NOTCH2: variants seen among roughly 807,000 people sequenced by gnomAD.
NOTCH2 encodes the protein neurogenic locus notch homolog protein 2.
A neutral mutation model predicts 235.8 loss-of-function variants in NOTCH2; 29 were observed. That is an observed-to-expected ratio of 0.12 (90% CI 0.09 to 0.17). NOTCH2 has a LOEUF of 0.17. Ranked by LOEUF, NOTCH2 falls within the 10% of genes least tolerant of loss-of-function variation. NOTCH2 has a pLI of 1.00. For synonymous variants in NOTCH2, 1,086 were observed against 1,141.5 expected (o/e 0.95, Z 0.98); for missense variants, 2,285 against 3,150.2 (o/e 0.73, Z 6.57).
At chr1:120,037,920 TA>T (rs1553212150) in intron 1 of NOTCH2, among the ~76,000 whole-genome samples, 2 of 152,198 alleles carry the variant, frequency 1.3e-5, no homozygotes, top group East Asian at 1.9e-4. Flanking sequence ...TATAAATGAA[TA>T]TTTTTTGTAT....
At position 119,925,597 on chromosome 1, in the gene NOTCH2, A is replaced by G. The variant is rs1482242922; in HGVS notation, c.4219T>C (p.Ser1407Pro). 6.2e-7 allele frequency: 1 copy of G among 1,613,968 alleles called. No homozygotes were observed. Among genetic ancestry groups the G allele is most frequent in the East Asian group, 2.2e-5 (1 of 44,874 alleles). ...YYSCQCAPPF[S>P]GSRCELYTAP... ...GTGTAGAGTTCACAGCGGCTACCCG[A>G]GAATGGTGGGGCACACTGGCAGGAG... Residue 1407 changes from serine (S) to proline (P), a missense_variant, in exon 25 of 34, where the codon TCG becomes CCG. Transcript: ENST00000256646.
chr1:119,969,660 C>G lies in NOTCH2; in HGVS notation c.959G>C (p.Gly320Ala). 1 of 1,614,168 alleles carries G rather than the reference C, an allele frequency of 6.2e-7. No individual in the cohort carries two copies. Among genetic ancestry groups the G allele is most frequent in the Non-Finnish European group, 8.5e-7 (1 of 1,179,996 alleles). Residue 320 changes from glycine (G) to alanine (A), a missense_variant, in exon 6 of 34, where the codon GGA becomes GCA. Around this residue, in one of 6 missense-constraint regions of NOTCH2, gnomAD observed 431 missense variants for 757.8 expected, o/e 0.57. Coordinates refer to ENST00000256646, the MANE Select transcript of NOTCH2 (RefSeq NM_024408.4). ...GTTGACACATACACAGCCATAGCCT[C>G]CATTGCGGTTGGCACAGGTGCCCCC... ...QNGGTCANRN[G>A]GYGCVCVNGW...
chr1:119,932,038 C>CA (rs1184709274), intron 22 of NOTCH2, among the ~76,000 whole-genome samples: 11 of 145,302 alleles, frequency 7.6e-5, no homozygotes, highest in Admixed American at 1.4e-4. Flanking sequence ...AAAGAAACTG[C>CA]AAAAAAAATC....
chr1:120,045,893 G>A (rs1244734141), intron 1 of NOTCH2, among the ~76,000 whole-genome samples: 3 of 152,230 alleles, frequency 2.0e-5, no homozygotes, highest in East Asian at 1.9e-4. Flanking sequence ...CAGGGGAGGT[G>A]TAAGACCATC....
intron 3 of NOTCH2, among the ~76,000 whole-genome samples, chr1:119,999,538 G>A (rs1256205771): frequency 1.3e-5 from 2 of 150,120 alleles, no homozygotes; most frequent in African/African-American, 4.9e-5. Flanking sequence ...AGATATAAAT[G>A]CTCACTTCTA....
chr1:119,957,694 C>A (rs1305822709), intron 12 of NOTCH2, among the ~76,000 whole-genome samples: 1 of 152,072 alleles, frequency 6.6e-6, no homozygotes, highest in African/African-American at 2.4e-5. Context: ...TCATGCTACA[C>A]CTTAGGTTTA....
chr1:120,014,945 G>T (rs372877141), intron 2 of NOTCH2, among the ~76,000 whole-genome samples: 12 of 139,828 alleles, frequency 8.6e-5, no homozygotes, highest in East Asian at 4.1e-4. Flanking sequence ...TATCAGCAGG[G>T]TGAGGCCAAA....
At chr1:119,981,701 G>C (rs967737720) in intron 5 of NOTCH2, among the ~76,000 whole-genome samples, 3 of 152,134 alleles carry the variant, frequency 2.0e-5, no homozygotes, top group African/African-American at 7.2e-5. Flanking sequence ...GGGCAAGGGT[G>C]CTTCAGGTTA....
At chr1:120,038,946 T>C (rs1654429784) in intron 1 of NOTCH2, among the ~76,000 whole-genome samples, 1 of 151,940 alleles carries the variant, frequency 6.6e-6, no homozygotes, top group African/African-American at 2.4e-5. Flanking sequence ...CTGAAATAGG[T>C]TGAATGGAAG....
chr1:120,039,766 C>A (rs1420018201), intron 1 of NOTCH2, among the ~76,000 whole-genome samples: 1 of 151,822 alleles, frequency 6.6e-6, no homozygotes, highest in Non-Finnish European at 1.5e-5. Context: ...CTTTTAAGTA[C>A]ACTTGCTGGA....
rs2101099825 is a variant in NOTCH2 at position 119,937,857 on chromosome 1, C to T, written c.3337G>A (p.Gly1113Ser). The T allele has an allele frequency of 6.2e-7, 1 of 1,614,148 alleles. No homozygotes were observed. Among genetic ancestry groups the T allele is most frequent in the Non-Finnish European group, 8.5e-7 (1 of 1,180,022 alleles). ...VSCDIAASRR[G>S]VLVEHLCQHS... ...CTGAGCCCAAGGGAGCAAAGCTTAC[C>T]TCTCCTGGAGGCTGCTATGTCACAA... Residue 1113 changes from glycine to serine, a missense_variant and splice_region_variant, in exon 20 of 34, where the codon GGT becomes AGT. This residue lies in a region of NOTCH2 where 1,173 missense variants were observed against 1,515.3 expected (regional missense o/e 0.77). Transcript: ENST00000256646.
In NOTCH2 at chr1:119,914,882, G is replaced by A. The variant is rs587611186; in HGVS notation, c.*424C>T. The A allele has an allele frequency of 8.3e-6, 3 of 360,130 alleles. No homozygotes were observed. Among genetic ancestry groups the A allele is most frequent in the East Asian group, 9.1e-5 (2 of 22,028 alleles). The allele number at this position is 360,130 out of a possible 1,614,324, so 22.3% of individuals were successfully genotyped here. On this transcript the variant is annotated 3_prime_UTR_variant, in exon 34 of 34. Transcript: ENST00000256646. ...ATGTCCAAGGAGGAGGAGATGCGTAGGTCAATTCAGGCAGAATTCCAGGGC... is the reference window on the plus strand; with the variant it reads ...ATGTCCAAGGAGGAGGAGATGCGTAAGTCAATTCAGGCAGAATTCCAGGGC...
In NOTCH2 at chr1:119,985,485, A is replaced by T. The variant is rs10923933; in HGVS notation, c.874+1475T>A. On this transcript the variant is annotated intron_variant, in intron 5 of 33. Coordinates refer to ENST00000256646, the MANE Select transcript of NOTCH2 (RefSeq NM_024408.4). Reference sequence around the variant, plus strand: ...CCCCAAGAGCAGGCCTTCCTAATTAATATCAAAGCAAGAAACCAAGTGTAG... The same window carrying T: ...CCCCAAGAGCAGGCCTTCCTAATTATTATCAAAGCAAGAAACCAAGTGTAG... Among the ~76,000 whole-genome samples, 1,397 of 152,294 alleles carry T rather than the reference A, an allele frequency of 9.2e-3. 23 individuals carry two copies. Among genetic ancestry groups the T allele is most frequent in the African/African-American group, 0.032 (1,324 of 41,556 alleles).
At chr1:119,937,794 C>T (rs1191561610) in intron 20 of NOTCH2, 63 bp downstream of exon 20, 2 of 1,592,858 alleles carry the variant, frequency 1.3e-6, no homozygotes, top group Non-Finnish European at 1.7e-6. Context: ...GATACCTTCT[C>T]TAAATGCCAC....
chr1:119,950,850 G>T lies in NOTCH2; in HGVS notation c.2366-13C>A, dbSNP rs1553197719. 3 of 1,554,684 alleles carry T rather than the reference G, an allele frequency of 1.9e-6. No homozygotes were observed. The East Asian group carries it at 6.7e-5, about 35-fold the overall frequency. On this transcript the variant is annotated splice_polypyrimidine_tract_variant and intron_variant, in intron 14 of 33. Transcript: ENST00000256646. ...TGGCAGTTATAGCCTGTAGACAAAA[G>T]GAAAAAACCAAAAACAGTAAAACTT...
intron 1 of NOTCH2, among the ~76,000 whole-genome samples, chr1:120,040,820 G>A (rs1342692648): frequency 6.7e-6 from 1 of 149,944 alleles, no homozygotes. Flanking sequence ...GGCGGATCAC[G>A]AGGTCAGGAG....
intron 5 of NOTCH2, 112 bp downstream of exon 5, chr1:119,986,848 T>C (rs1445803961): frequency 7.4e-7 from 1 of 1,356,462 alleles, no homozygotes; most frequent in South Asian, 1.2e-5. Flanking sequence ...TCAGTTCACA[T>C]ACTGGTTCCA....
intron 21 of NOTCH2, among the ~76,000 whole-genome samples, chr1:119,936,240 G>C (rs1295466846): frequency 6.6e-6 from 1 of 152,190 alleles, no homozygotes; most frequent in Non-Finnish European, 1.5e-5. Context: ...CCTTCCAGAG[G>C]GGTAGGTGAG....
intron 28 of NOTCH2, 128 bp downstream of exon 28, chr1:119,922,108 T>C: frequency 9.2e-7 from 1 of 1,085,070 alleles, no homozygotes; most frequent in Non-Finnish European, 1.4e-6. Context: ...TCACAAGGCA[T>C]TTAGAATCAT....
Sources: gnomAD v4.1 joint callset for allele counts (sites outside exome capture counted in the v4.1 genomes callset) on GRCh38, gnomAD v4.1.1 for gene constraint, gnomAD v4.1.1 regional missense constraint, MANE v1.5 for transcripts, NCBI Gene and HGNC (gene_info 2026-07-23, HGNC 2026-07-21) for gene names.